Variants in CCDC157 observed in about 807,000 individuals in gnomAD.
CCDC157 encodes the protein coiled-coil domain-containing protein 157.
Under a neutral mutation model 70.9 loss-of-function variants are expected in CCDC157, and 60 were observed. The ratio of observed to expected loss-of-function variants is 0.85; its 90% CI spans 0.69 to 1.05. The LOEUF is 1.05. CCDC157 is among the 50% of genes least tolerant of loss of function. The pLI, the probability that CCDC157 is intolerant of heterozygous loss-of-function variation, is 0.00. For missense variants in CCDC157, 943 were observed against 984.2 expected (o/e 0.96, Z 0.56); for synonymous variants, 373 against 422.4 (o/e 0.88, Z 1.43).
chr22:30,365,153 G>C (rs1166407175), intron 2 of CCDC157, among the ~76,000 whole-genome samples: 2 of 152,194 alleles, frequency 1.3e-5, no homozygotes, highest in African/African-American at 4.8e-5. Flanking sequence ...AGGGTACTCA[G>C]GGAAGCCTTC....
Position 30,370,606 on chromosome 22 carries a change from TG to T in CCDC157, c.704del (p.Gly235AlafsTer17). The T allele has an allele frequency of 1.2e-6, 2 of 1,613,928 alleles. No homozygotes were observed. Among genetic ancestry groups the T allele is most frequent in the Non-Finnish European group, 1.7e-6 (2 of 1,179,996 alleles). ...AGCGTCCAGGGAAGCCTGCAGAAGG[TG>T]GGCAAGGTGGTCATCAGCCTGTGTC... ...CASVQGSLQK[V>X]GKVVISLCQS... On this transcript the variant is annotated frameshift_variant, in exon 5 of 12. Coordinates refer to ENST00000338306, the MANE Select transcript of CCDC157 (RefSeq NM_001017437.5). LOFTEE classifies it high-confidence loss of function.
At chr22:30,375,691 G>T in intron 10 of CCDC157, 28 bp downstream of exon 10, 1 of 1,582,202 alleles carries the variant, frequency 6.3e-7, no homozygotes. Context: ...GGCCCTTGGG[G>T]ACCAGGAGGA....
intron 4 of CCDC157, 74 bp downstream of exon 4, chr22:30,369,677 G>C: frequency 8.1e-7 from 1 of 1,231,420 alleles, no homozygotes; most frequent in Non-Finnish European, 1.1e-6. Flanking sequence ...TTCACACCTC[G>C]CCCCAGCTCT....
In CCDC157 at chr22:30,370,951, G is replaced by A. The variant is rs761200532; in HGVS notation, c.1045+1G>A. On this transcript the variant is annotated splice_donor_variant, in intron 5 of 11. Coordinates refer to ENST00000338306, the MANE Select transcript of CCDC157 (RefSeq NM_001017437.5). LOFTEE classifies it high-confidence loss of function. Reference sequence around the variant, plus strand: ...CACGACAAACAGCAGCTGCTCACAGGTCTGTGCCCCAGAGGCCAGACGCCT... The same window carrying A: ...CACGACAAACAGCAGCTGCTCACAGATCTGTGCCCCAGAGGCCAGACGCCT... The A allele has an allele frequency of 6.2e-7, 1 of 1,605,502 alleles. No individual in the cohort carries two copies. Among genetic ancestry groups the A allele is most frequent in the South Asian group, 1.1e-5 (1 of 90,126 alleles).
At chr22:30,367,820 G>A (rs967862189) in intron 3 of CCDC157, among the ~76,000 whole-genome samples, 1 of 152,162 alleles carries the variant, frequency 6.6e-6, no homozygotes, top group African/African-American at 2.4e-5. Context: ...GCCGAGGTGG[G>A]CGGATCACCT....
chr22:30,374,693 C>G (rs1218907189), intron 9 of CCDC157: 1 of 456,778 alleles, frequency 2.2e-6, no homozygotes, highest in South Asian at 1.5e-5. Flanking sequence ...TTCTCAACCA[C>G]CTTGTGAGGC....
rs1439381563 is a variant in CCDC157, at chr22:30,372,218, G to C, written c.1267G>C (p.Val423Leu). The change falls in exon 7 of 12, where the codon GTC becomes CTC. Residue 423 changes from valine to leucine, a missense_variant. By Grantham distance (32) the Val-to-Leu change is conservative. Coordinates refer to ENST00000338306, the MANE Select transcript of CCDC157 (RefSeq NM_001017437.5). ...VGRLEGAGQQ[V>L]CWASTELDKE... ...TCGGCTGGAGGGCGCTGGCCAGCAG[G>C]TCTGCTGGGCCAGCACGGAGCTGGA... 6.3e-7 allele frequency: 1 copy of C among 1,596,240 alleles called. No individual in the cohort carries two copies. The highest frequency in any genetic ancestry group is 1.8e-5 in the Admixed American group (1 of 56,904).
At chr22:30,363,825 T>C (rs1291031497) in intron 2 of CCDC157, among the ~76,000 whole-genome samples, 7 of 152,110 alleles carry the variant, frequency 4.6e-5, no homozygotes, top group Middle Eastern at 3.4e-3. Context: ...GTATCTGGGA[T>C]TATAGGCATC....
At chr22:30,373,325 T>C (rs1005621369) in intron 7 of CCDC157, 72 of 471,250 alleles carry the variant, frequency 1.5e-4, no homozygotes, top group Non-Finnish European at 2.4e-4. Context: ...GAAGTGGGGG[T>C]GAGACCCCCA....
At chr22:30,360,723 C>G (rs1182487436) in intron 1 of CCDC157, among the ~76,000 whole-genome samples, 1 of 151,868 alleles carries the variant, frequency 6.6e-6, no homozygotes, top group Non-Finnish European at 1.5e-5. Context: ...ACCAGCCTGA[C>G]CAATATGGTG....
chr22:30,364,199 T>C (rs1932560745), intron 2 of CCDC157, among the ~76,000 whole-genome samples: 1 of 152,164 alleles, frequency 6.6e-6, no homozygotes, highest in South Asian at 2.1e-4. Context: ...TAGCTAGGTG[T>C]AGTGGCACAT....
intron 1 of CCDC157, among the ~76,000 whole-genome samples, chr22:30,357,588 T>C (rs1311046582): frequency 6.6e-6 from 1 of 151,658 alleles, no homozygotes; most frequent in Non-Finnish European, 1.5e-5. Flanking sequence ...CTCTGCAACC[T>C]CCGCCTCCCG....
intron 2 of CCDC157, among the ~76,000 whole-genome samples, chr22:30,362,665 C>A (rs1018419432): frequency 6.6e-6 from 1 of 152,150 alleles, no homozygotes; most frequent in Non-Finnish European, 1.5e-5. Flanking sequence ...GTGGCTCACC[C>A]CTCAGGGAGG....
In CCDC157 at chr22:30,377,591, T is replaced by C. The variant is rs988523841; in HGVS notation, c.*846T>C. The C allele has an allele frequency of 5.2e-5, 8 of 153,526 alleles. No homozygotes were observed. The highest frequency in any genetic ancestry group is 3.9e-4 in the Admixed American group (6 of 15,518). The allele number at this position is 153,526 out of a possible 1,614,324, so 9.5% of individuals were successfully genotyped here. A position where few individuals can be genotyped will look rare whatever the true frequency, so the allele number is the denominator to read the frequency against. On this transcript the variant is annotated 3_prime_UTR_variant, in exon 12 of 12. Coordinates refer to ENST00000338306, the MANE Select transcript of CCDC157 (RefSeq NM_001017437.5). ...AAATGCCTGAAGCATTTTCCCTTGG[T>C]GAAGAGGCCGTCAGGTAGAGCACCT...
At chr22:30,363,683 CTTTTTTTTTTT>C (rs55722661) in intron 2 of CCDC157, among the ~76,000 whole-genome samples, 3,439 of 114,668 alleles carry the variant, frequency 0.03, 52 homozygotes, top group East Asian at 0.04. Context: ...GAATGTTTCT[CTTTTTTTTTTT>C]TTTTTTTTTT....
rs1427176749 is a variant in CCDC157 at position 30,370,878 on chromosome 22, C to T, written c.973C>T (p.Arg325Trp). The part of the protein sequence containing the change: ...EQALKQEQGA[R>W]RRQAEEDEQC... ...GGCGCTGAAACAGGAGCAGGGGGCA[C>T]GGCGGCGACAGGCGGAGGAGGATGA... Residue 325 changes from arginine (R) to tryptophan (W), a missense_variant, in exon 5 of 12, where the codon CGG (arginine) becomes TGG (tryptophan). Physicochemically the swap from Arg to Trp is moderately radical, Grantham distance 101. Coordinates refer to ENST00000338306, the MANE Select transcript of CCDC157 (RefSeq NM_001017437.5). 9 of 1,611,808 alleles carry T rather than the reference C, an allele frequency of 5.6e-6. No individual in the cohort carries two copies. The highest frequency in any genetic ancestry group is 3.3e-5 in the South Asian group (3 of 90,976).
chr22:30,374,209 C>T (rs1054649721), intron 9 of CCDC157, 118 bp downstream of exon 9: 11 of 1,271,802 alleles, frequency 8.6e-6, no homozygotes, highest in Non-Finnish European at 1.2e-5. Flanking sequence ...GGTGTTAAAG[C>T]CAGGCGGCCA....
intron 1 of CCDC157, among the ~76,000 whole-genome samples, chr22:30,357,663 G>A (rs1018481644): frequency 6.6e-5 from 8 of 120,334 alleles, no homozygotes; most frequent in African/African-American, 2.4e-4. Flanking sequence ...CACCACACCC[G>A]GCTAATTTTT....
Position 30,377,355 on chromosome 22 carries a change from G to A in CCDC157, c.*610G>A, listed in dbSNP as rs750782479. The A allele has an allele frequency of 1.7e-4, 26 of 154,704 alleles. No individual in the cohort carries two copies. Among genetic ancestry groups the A allele is most frequent in the Non-Finnish European group, 3.2e-4 (22 of 69,638 alleles). The allele number at this position is 154,704 out of a possible 1,614,324, so 9.6% of individuals were successfully genotyped here. ...ATAGCCCCAGGAGGCCACTGAAGGC[G>A]GGGCAAGGCCTCCACCAAGCAGAGG... On this transcript the variant is annotated 3_prime_UTR_variant, in exon 12 of 12. Coordinates refer to ENST00000338306, the MANE Select transcript of CCDC157 (RefSeq NM_001017437.5).
Sources: gnomAD v4.1 joint callset for allele counts (sites outside exome capture counted in the v4.1 genomes callset) on GRCh38, gnomAD v4.1.1 for gene constraint, MANE v1.5 for transcripts, NCBI Gene and HGNC (gene_info 2026-07-23, HGNC 2026-07-21) for gene names.